SMYD2: variants seen among roughly 807,000 people sequenced by gnomAD.
SMYD2 encodes N-lysine methyltransferase SMYD2.
SMYD2 carries 53 observed loss-of-function variants against 59.1 expected under a neutral mutation model. The ratio of observed to expected loss-of-function variants is 0.90; its 90% CI spans 0.72 to 1.13. The LOEUF is 1.13. Among genes scored for constraint, SMYD2 ranks in the 50% most tolerant of loss-of-function variants. The pLI is 0.00. For synonymous variants in SMYD2, 208 were observed against 198.8 expected, an observed-to-expected ratio of 1.05 and a Z score of -0.39; for missense variants, 494 against 544.7, an observed-to-expected ratio of 0.91 and a Z score of 0.93.
At chr1:214,336,583 C>T in intron 11 of SMYD2, 121 bp from the exon 12 acceptor site, 2 of 698,860 alleles carry the variant, frequency 2.9e-6, no homozygotes, top group Non-Finnish European at 4.8e-6. Context: ...AGAACATAGG[C>T]TCTAATGGCC....
At chr1:214,334,643 C>T (rs1657407730) in intron 11 of SMYD2, among the ~76,000 whole-genome samples, 1 of 152,178 alleles carries the variant, frequency 6.6e-6, no homozygotes, top group Non-Finnish European at 1.5e-5. Context: ...GTTGTGAAAT[C>T]AAGGAGGTAG....
At chr1:214,296,231 T>C (rs911126364) in intron 1 of SMYD2, among the ~76,000 whole-genome samples, 6 of 152,256 alleles carry the variant, frequency 3.9e-5, no homozygotes, top group Admixed American at 6.5e-5. Flanking sequence ...ATTTCTAACT[T>C]GTTGATCTTC....
At chr1:214,307,037 G>T (rs7527081) in intron 2 of SMYD2, among the ~76,000 whole-genome samples, 1 of 152,230 alleles carries the variant, frequency 6.6e-6, no homozygotes, top group Non-Finnish European at 1.5e-5. Flanking sequence ...GCCAGGCGTG[G>T]TGGCGGGTGC....
intron 3 of SMYD2, among the ~76,000 whole-genome samples, chr1:214,316,717 G>T (rs562013149): frequency 6.6e-6 from 1 of 152,242 alleles, no homozygotes; most frequent in Non-Finnish European, 1.5e-5. Context: ...CTTGGGTCAG[G>T]TGCTTGCCGA....
At chr1:214,293,007 CTGTTTGTGTGTGTGTGTGTG>C (rs1450747637) in intron 1 of SMYD2, among the ~76,000 whole-genome samples, 1 of 136,898 alleles carries the variant, frequency 7.3e-6, no homozygotes, top group Non-Finnish European at 1.6e-5. Context: ...TTATCTTTTT[CTGTTTGTGTGTGTGTGTGTG>C]TGTGTGTGTG....
intron 1 of SMYD2, among the ~76,000 whole-genome samples, chr1:214,282,826 C>T (rs957912169): frequency 2.0e-5 from 3 of 152,092 alleles, no homozygotes; most frequent in Admixed American, 6.6e-5. Context: ...CACTTTGCAA[C>T]GTTTGAGTGA....
At chr1:214,281,487 G>C (rs1656444943) in intron 1 of SMYD2, 60 bp downstream of exon 1, 2 of 1,160,980 alleles carry the variant, frequency 1.7e-6, no homozygotes, top group Non-Finnish European at 1.1e-6. Context: ...GGGAGGCTTG[G>C]ACGGCGGCGC....
At chr1:214,302,361 T>C (rs1656838555) in intron 1 of SMYD2, among the ~76,000 whole-genome samples, 1 of 150,816 alleles carries the variant, frequency 6.6e-6, no homozygotes, top group African/African-American at 2.4e-5. Context: ...AAATACAGTG[T>C]TTCCTGAGCT....
At chr1:214,326,021 C>T (rs779987254) in intron 6 of SMYD2, among the ~76,000 whole-genome samples, 9 of 151,916 alleles carry the variant, frequency 5.9e-5, no homozygotes, top group Non-Finnish European at 1.2e-4. Context: ...GGGCAGATCA[C>T]GAGGTCAGGA....
At chr1:214,333,942 T>G in intron 10 of SMYD2, 1 of 345,898 alleles carries the variant, frequency 2.9e-6, no homozygotes, top group Non-Finnish European at 5.5e-6. Context: ...TTACAAATGC[T>G]TTTGAATAGG....
intron 5 of SMYD2, among the ~76,000 whole-genome samples, chr1:214,321,583 G>A (rs1156969773): frequency 1.3e-5 from 2 of 152,212 alleles, no homozygotes; most frequent in Non-Finnish European, 2.9e-5. Flanking sequence ...GTCCATGGGA[G>A]GCTGTTGTGG....
intron 2 of SMYD2, among the ~76,000 whole-genome samples, chr1:214,305,464 A>C (rs1656901014): frequency 6.6e-6 from 1 of 152,248 alleles, no homozygotes; most frequent in African/African-American, 2.4e-5. Context: ...ATCGAGGTGC[A>C]GGAGAAGACC....
chr1:214,307,205 A>G (rs1041549824), intron 2 of SMYD2, among the ~76,000 whole-genome samples: 20 of 152,228 alleles, frequency 1.3e-4, no homozygotes, highest in African/African-American at 4.8e-4. Context: ...AAGTTACAAA[A>G]CATCCCTGAG....
intron 1 of SMYD2, among the ~76,000 whole-genome samples, chr1:214,292,953 T>C (rs112927810): frequency 0.012 from 1,827 of 152,260 alleles, 15 homozygotes; most frequent in Non-Finnish European, 0.018. Flanking sequence ...AGTTTGTTTA[T>C]ACTCAAGAAA....
chr1:214,306,930 G>C (rs867745501), intron 2 of SMYD2, among the ~76,000 whole-genome samples: 1 of 152,158 alleles, frequency 6.6e-6, no homozygotes, highest in African/African-American at 2.4e-5. Context: ...CAGTACTTTG[G>C]GGGGCCAAGG....
chr1:214,281,529 C>A, intron 1 of SMYD2, 102 bp downstream of exon 1: 1 of 1,083,554 alleles, frequency 9.2e-7, no homozygotes, highest in Non-Finnish European at 1.1e-6. Flanking sequence ...GGGGTCCTAG[C>A]GCCGGCCCTT....
At chr1:214,330,300 G>A in intron 8 of SMYD2, 22 bp downstream of exon 8, 2 of 1,524,276 alleles carry the variant, frequency 1.3e-6, no homozygotes, top group South Asian at 2.3e-5. Context: ...CATTGGGCAA[G>A]AGCGCTGACT....
At chr1:214,320,424 G>C (rs1178343116) in intron 5 of SMYD2, among the ~76,000 whole-genome samples, 1 of 152,158 alleles carries the variant, frequency 6.6e-6, no homozygotes, top group Non-Finnish European at 1.5e-5. Context: ...AGCATGCTAA[G>C]AAGGAGAAAA....
chr1:214,293,097 G>GA (rs1656664861), intron 1 of SMYD2, among the ~76,000 whole-genome samples: 1 of 149,840 alleles, frequency 6.7e-6, no homozygotes, highest in Non-Finnish European at 1.5e-5. Context: ...CTGTCACCCA[G>GA]GCTGGAGTGC....
Sources: gnomAD v4.1 joint callset for allele counts (sites outside exome capture counted in the v4.1 genomes callset) on GRCh38, gnomAD v4.1.1 for gene constraint, MANE v1.5 for transcripts, NCBI Gene and HGNC (gene_info 2026-07-23, HGNC 2026-07-21) for gene names.